The following AGTPBP1 variants were observed in gnomAD, a reference collection of about 807,000 sequenced individuals.
AGTPBP1 encodes ATP/GTP binding carboxypeptidase 1.
Under a neutral mutation model 143.9 loss-of-function variants are expected in AGTPBP1, and 70 were observed. The observed-to-expected ratio is 0.49, with a 90% CI of 0.40 to 0.59. The LOEUF (loss-of-function observed/expected upper bound fraction) is 0.59. AGTPBP1 is among the 20% of genes least tolerant of loss of function. AGTPBP1 has a pLI of 0.00. For synonymous variants in AGTPBP1, 463 were observed against 500.2 expected, an observed-to-expected ratio of 0.93 and a Z score of 0.99; for missense variants, 1,229 against 1,464.5, an observed-to-expected ratio of 0.84 and a Z score of 2.62.
At chr9:85,582,393 T>C (rs1972674) in intron 23 of AGTPBP1, among the ~76,000 whole-genome samples, 7 of 152,124 alleles carry the variant, frequency 4.6e-5, no homozygotes, top group African/African-American at 1.7e-4. Flanking sequence ...AATGACAATT[T>C]AGGCTGGGCG....
intron 8 of AGTPBP1, among the ~76,000 whole-genome samples, chr9:85,663,615 G>A (rs1171532145): frequency 6.8e-6 from 1 of 148,024 alleles, no homozygotes; most frequent in Non-Finnish European, 1.5e-5. Context: ...CATAATGATG[G>A]GGGAAAAAAA....
chr9:85,771,830 C>CT, the AGTPBP1 span, among the ~76,000 whole-genome samples: 10 of 149,558 alleles, frequency 6.7e-5, no homozygotes, highest in East Asian at 1.2e-3. Context: ...TTTTTTTGTA[C>CT]TTTTTTTTTA....
intron 1 of AGTPBP1, among the ~76,000 whole-genome samples, chr9:85,721,864 T>C (rs975316989): frequency 2.0e-5 from 3 of 152,316 alleles, no homozygotes; most frequent in African/African-American, 7.2e-5. Context: ...AAGGCAGGCC[T>C]GGTGGTGACA....
intron 14 of AGTPBP1, among the ~76,000 whole-genome samples, chr9:85,629,305 C>T (rs1831508507): frequency 6.6e-6 from 1 of 152,156 alleles, no homozygotes; most frequent in African/African-American, 2.4e-5. Flanking sequence ...GGACTCTAAT[C>T]TGTAGATTAC....
the AGTPBP1 span, among the ~76,000 whole-genome samples, chr9:85,803,647 CTTCTT>C: frequency 6.6e-6 from 1 of 152,182 alleles, no homozygotes; most frequent in Admixed American, 6.5e-5. Context: ...ACTTTGTTTT[CTTCTT>C]TTATCTCACA....
intron 3 of AGTPBP1, among the ~76,000 whole-genome samples, chr9:85,682,183 A>T (rs958609838): frequency 6.9e-6 from 1 of 145,674 alleles, no homozygotes; most frequent in Non-Finnish European, 1.5e-5. Context: ...AAAAAAAAAA[A>T]AAAAAAAAAA....
In AGTPBP1 at chr9:85,713,094, G is replaced by A. The variant is rs1037976175; in HGVS notation, c.-33-528C>T. 2.4e-4 allele frequency among the ~76,000 whole-genome samples: 36 copies of A among 151,998 alleles called. 1 individual carries two copies. The highest frequency in any genetic ancestry group is 2.3e-3 in the Admixed American group (35 of 15,258). ...ATATGTTTAAACAACCTTAAATCTC[G>A]ATTCACACAATTTTTATAAATCTTC... On this transcript the variant is annotated intron_variant, in intron 1 of 25. Transcript: ENST00000357081.
chr9:85,655,906 C>T (rs1272763629), intron 10 of AGTPBP1, among the ~76,000 whole-genome samples: 1 of 152,196 alleles, frequency 6.6e-6, no homozygotes, highest in Admixed American at 6.5e-5. Context: ...CGGCTCACTG[C>T]AAGCTCCGCC....
At chr9:85,758,414 G>A in the AGTPBP1 span, among the ~76,000 whole-genome samples, 1 of 152,188 alleles carries the variant, frequency 6.6e-6, no homozygotes, top group African/African-American at 2.4e-5. Context: ...GGAGGCCAAG[G>A]CGGGCAGGTC....
chr9:85,627,679 G>A (rs1488809041), intron 14 of AGTPBP1, among the ~76,000 whole-genome samples: 6 of 152,138 alleles, frequency 3.9e-5, no homozygotes, highest in Admixed American at 3.3e-4. Flanking sequence ...TGCTGAGACA[G>A]GCAGGAAGAC....
chr9:85,713,383 T>C (rs1837505348), intron 1 of AGTPBP1, among the ~76,000 whole-genome samples: 1 of 152,092 alleles, frequency 6.6e-6, no homozygotes, highest in Non-Finnish European at 1.5e-5. Flanking sequence ...ATACAAAAAT[T>C]AGCTGGGTGT....
chr9:85,729,612 C>A (rs1838744871), intron 1 of AGTPBP1, among the ~76,000 whole-genome samples: 1 of 151,690 alleles, frequency 6.6e-6, no homozygotes, highest in South Asian at 2.1e-4. Flanking sequence ...GCCAGCCATA[C>A]ATCTAGATAT....
At position 85,636,974 on chromosome 9, in the gene AGTPBP1, A is replaced by G. The variant is rs374699155; in HGVS notation, c.1303-3600T>C. Reference sequence around the variant, plus strand: ...AAATAAAAACATACACTTACCATACATACCACCCAGCAAGTTCACTGATAG... The same window carrying G: ...AAATAAAAACATACACTTACCATACGTACCACCCAGCAAGTTCACTGATAG... On this transcript the variant is annotated intron_variant, in intron 13 of 25. Transcript: ENST00000357081. Among the ~76,000 whole-genome samples, 23 of 152,018 alleles carry G rather than the reference A, an allele frequency of 1.5e-4. 1 individual carries two copies. Among genetic ancestry groups the G allele is most frequent in the African/African-American group, 5.5e-4 (23 of 41,500 alleles).
chr9:85,691,536 G>GGTGTGTGTGTGTGTGTGT (rs58713865), intron 3 of AGTPBP1, among the ~76,000 whole-genome samples: 6 of 144,480 alleles, frequency 4.2e-5, no homozygotes, highest in African/African-American at 1.5e-4. Flanking sequence ...AAAAAAAGAG[G>GGTGTGTGTGTGTGTGTGT]GTGTGTGTGT....
chr9:85,782,819 G>A, the AGTPBP1 span, among the ~76,000 whole-genome samples: 1 of 152,192 alleles, frequency 6.6e-6, no homozygotes, highest in Non-Finnish European at 1.5e-5. Flanking sequence ...TCTCAGTTTA[G>A]TAATACAGAG....
chr9:85,729,194 T>C (rs1450746422), intron 1 of AGTPBP1, among the ~76,000 whole-genome samples: 3 of 152,106 alleles, frequency 2.0e-5, no homozygotes, highest in African/African-American at 7.2e-5. Context: ...CAACTTGATA[T>C]CCACATGCCA....
At position 85,659,583 on chromosome 9, in the gene AGTPBP1, G is replaced by A. The variant is rs183654843; in HGVS notation, c.700+1353C>T. On this transcript the variant is annotated intron_variant, in intron 9 of 25. Transcript: ENST00000357081. ...GAAAAAGAAGGGAGGGAGTAAAAAG[G>A]AGACTACTACTAAAAACTGAAAATA... is the stretch of plus-strand genomic sequence containing the variant. Among the ~76,000 whole-genome samples the A allele has an allele frequency of 3.4e-3, 515 of 152,036 alleles. 3 individuals carry two copies. The highest frequency in any genetic ancestry group is 0.011 in the African/African-American group (462 of 41,520).
the AGTPBP1 span, among the ~76,000 whole-genome samples, chr9:85,748,364 C>T: frequency 6.6e-6 from 1 of 152,206 alleles, no homozygotes; most frequent in Non-Finnish European, 1.5e-5. Flanking sequence ...GGGAGTTCCT[C>T]ATGGCTCTGG....
At chr9:85,677,013 G>C (rs1441218079) in intron 6 of AGTPBP1, among the ~76,000 whole-genome samples, 2 of 152,182 alleles carry the variant, frequency 1.3e-5, no homozygotes, top group East Asian at 3.8e-4. Flanking sequence ...GAATAGAATA[G>C]TGGTTATCAG....
Sources: gnomAD v4.1 joint callset for allele counts (sites outside exome capture counted in the v4.1 genomes callset) on GRCh38, gnomAD v4.1.1 for gene constraint, MANE v1.5 for transcripts, NCBI Gene and HGNC (gene_info 2026-07-23, HGNC 2026-07-21) for gene names.